The following DAB1 variants were observed in gnomAD, a reference collection of about 807,000 sequenced individuals.
DAB1 encodes the protein disabled homolog 1.
In DAB1, 15 loss-of-function variants were observed where a neutral mutation model predicts 64.6. The observed-to-expected ratio is 0.23, with a 90% CI of 0.16 to 0.36. The LOEUF (loss-of-function observed/expected upper bound fraction) is 0.36. Among genes scored for constraint, DAB1 ranks in the 10% least tolerant of loss-of-function variants. The pLI, the probability that DAB1 is intolerant of heterozygous loss-of-function variation, is 1.00. For missense variants in DAB1, 596 were observed against 706.7 expected (o/e 0.84, Z 1.78); for synonymous variants, 235 against 251.9 (o/e 0.93, Z 0.64).
intron 4 of DAB1, among the ~76,000 whole-genome samples, chr1:58,261,205 C>T (rs1264248667): frequency 2.0e-5 from 3 of 151,954 alleles, no homozygotes; most frequent in South Asian, 2.1e-4. Flanking sequence ...ATTCAGTGAA[C>T]CCCAAATAAA....
At chr1:57,821,697 C>A (rs950720801), downstream of DAB1, among the ~76,000 whole-genome samples, 29 of 152,286 alleles carry the variant, frequency 1.9e-4, no homozygotes, top group African/African-American at 7.0e-4. Flanking sequence ...ATGCAAAGCA[C>A]TCTAATAAGG....
At chr1:57,902,380 A>G (rs949114801) in intron 5 of DAB1, among the ~76,000 whole-genome samples, 1 of 152,078 alleles carries the variant, frequency 6.6e-6, no homozygotes, top group Non-Finnish European at 1.5e-5. Flanking sequence ...TTTTGCCTGT[A>G]TCTTCTAAGA....
chr1:57,035,387 A>C (rs559901349), intron 9 of DAB1, among the ~76,000 whole-genome samples: 208 of 151,912 alleles, frequency 1.4e-3, no homozygotes, highest in African/African-American at 4.8e-3. Context: ...GGCTCATAAA[A>C]CCCCCCACCA....
At chr1:57,412,024 T>C (rs995782545) in intron 1 of DAB1, among the ~76,000 whole-genome samples, 3 of 152,252 alleles carry the variant, frequency 2.0e-5, no homozygotes, top group Admixed American at 6.5e-5. Flanking sequence ...TGTCCTACTT[T>C]GGTAATTCTC....
chr1:57,284,203 A>G (rs1269618820), intron 2 of DAB1, among the ~76,000 whole-genome samples: 2 of 152,206 alleles, frequency 1.3e-5, no homozygotes, highest in African/African-American at 4.8e-5. Context: ...GAATAAAAGC[A>G]GCAAAGTAGA....
intron 2 of DAB1, among the ~76,000 whole-genome samples, chr1:57,261,822 A>G (rs1034402888): frequency 6.6e-6 from 1 of 152,236 alleles, no homozygotes; most frequent in African/African-American, 2.4e-5. Context: ...TTAAATAATA[A>G]TAAGTGAGCA....
intron 2 of DAB1, among the ~76,000 whole-genome samples, chr1:58,520,890 CA>C (rs1346993539): frequency 1.3e-5 from 2 of 151,270 alleles, no homozygotes; most frequent in East Asian, 3.9e-4. Flanking sequence ...TTGATAACTA[CA>C]AAAAAAAGGA....
intron 7 of DAB1, among the ~76,000 whole-genome samples, chr1:57,454,019 C>T (rs967002091): frequency 2.6e-5 from 4 of 152,126 alleles, no homozygotes; most frequent in Middle Eastern, 3.2e-3. Flanking sequence ...GTTTCCCTTT[C>T]GGCCTGGAAG....
intron 1 of DAB1, among the ~76,000 whole-genome samples, chr1:57,389,189 A>G (rs371721382): frequency 6.6e-6 from 1 of 152,332 alleles, no homozygotes; most frequent in South Asian, 2.1e-4. Context: ...CTACACCCGT[A>G]AACACACATC....
intron 4 of DAB1, among the ~76,000 whole-genome samples, chr1:58,259,960 T>C (rs982726578): frequency 6.6e-6 from 1 of 152,158 alleles, no homozygotes; most frequent in African/African-American, 2.4e-5. Flanking sequence ...ACAATAACCC[T>C]ATGAGGCTAA....
chr1:57,310,792 CA>C (rs1674634995), intron 1 of DAB1, among the ~76,000 whole-genome samples: 1 of 152,160 alleles, frequency 6.6e-6, no homozygotes, highest in Non-Finnish European at 1.5e-5. Context: ...TTCCATGTCA[CA>C]GATAAGAAAC....
chr1:57,296,382 C>T lies in DAB1; in HGVS notation c.-136-5216G>A, dbSNP rs145844613. ...TTAAGAGGGCCTAGGAGCAAAGATACTCTAGCAACAATGAGATAACTAATA... is the reference window on the plus strand; with the variant it reads ...TTAAGAGGGCCTAGGAGCAAAGATATTCTAGCAACAATGAGATAACTAATA... On this transcript the variant is annotated intron_variant, in intron 1 of 14. Transcript: ENST00000371236. 5.7e-3 allele frequency among the ~76,000 whole-genome samples: 868 copies of T among 152,190 alleles called. 21 individuals are homozygous for T. The highest frequency in any genetic ancestry group is 0.02 in the African/African-American group (841 of 41,526).
chr1:58,465,509 A>C (rs1645287687), intron 3 of DAB1, among the ~76,000 whole-genome samples: 1 of 152,226 alleles, frequency 6.6e-6, no homozygotes, highest in South Asian at 2.1e-4. Context: ...AAAGGAGGCT[A>C]CAGGCTCAGA....
chr1:58,194,632 C>G (rs115002474), intron 4 of DAB1, among the ~76,000 whole-genome samples: 7,863 of 152,292 alleles, frequency 0.052, 243 homozygotes, highest in Admixed American at 0.079. Context: ...TAAATCCACT[C>G]TACTGCTGAC....
intron 3 of DAB1, among the ~76,000 whole-genome samples, chr1:58,391,606 G>A (rs561246432): frequency 6.6e-6 from 1 of 152,200 alleles, no homozygotes; most frequent in African/African-American, 2.4e-5. Flanking sequence ...TCCACTTACT[G>A]TACCATTTTC....
chr1:57,422,483 C>A (rs1448429806), intron 1 of DAB1, among the ~76,000 whole-genome samples: 1 of 152,174 alleles, frequency 6.6e-6, no homozygotes. Context: ...CGCCGACATC[C>A]AAACGCACAC....
chr1:57,206,586 G>C (rs981485610), intron 2 of DAB1, among the ~76,000 whole-genome samples: 14 of 152,188 alleles, frequency 9.2e-5, no homozygotes, highest in African/African-American at 3.4e-4. Context: ...ATTTACCCCA[G>C]TTTGGGGCTC....
At chr1:57,738,542 T>G (rs892905325) in intron 6 of DAB1, among the ~76,000 whole-genome samples, 1 of 152,110 alleles carries the variant, frequency 6.6e-6, no homozygotes, top group Admixed American at 6.5e-5. Context: ...TATTTCTTGT[T>G]GTGTAATATA....
chr1:57,325,855 C>T (rs1052219612), intron 1 of DAB1, among the ~76,000 whole-genome samples: 2 of 152,204 alleles, frequency 1.3e-5, no homozygotes, highest in South Asian at 2.1e-4. Flanking sequence ...GATTGTATCT[C>T]ATCATTCATT....
Sources: gnomAD v4.1 joint callset for allele counts (sites outside exome capture counted in the v4.1 genomes callset) on GRCh38, gnomAD v4.1.1 for gene constraint, MANE v1.5 for transcripts, NCBI Gene and HGNC (gene_info 2026-07-23, HGNC 2026-07-21) for gene names.